ADGRB3: variants seen among roughly 807,000 people sequenced by gnomAD.
The protein encoded by ADGRB3 is adhesion G protein-coupled receptor B3.
In ADGRB3, 37 loss-of-function variants were observed where a neutral mutation model predicts 193.4. That is an observed-to-expected ratio of 0.19 (90% CI 0.15 to 0.25). The LOEUF is 0.25. ADGRB3 is among the 10% of genes least tolerant of loss of function. The pLI, the probability that ADGRB3 is intolerant of heterozygous loss-of-function variation, is 1.00. For missense variants in ADGRB3, 1,637 were observed against 1,852.9 expected (o/e 0.88, Z 2.14); for synonymous variants, 690 against 644.2 (o/e 1.07, Z -1.08).
chr6:68,844,417 G>A (rs1768233010), intron 3 of ADGRB3, among the ~76,000 whole-genome samples: 2 of 152,108 alleles, frequency 1.3e-5, no homozygotes, highest in South Asian at 4.1e-4. Flanking sequence ...CATTATGAGA[G>A]AAATGTGAAT....
intron 20 of ADGRB3, among the ~76,000 whole-genome samples, chr6:69,256,260 G>A (rs1441093122): frequency 3.8e-4 from 57 of 151,976 alleles, no homozygotes; most frequent in African/African-American, 1.3e-3. Flanking sequence ...GTAGCTTGAT[G>A]GGGATGGCAT....
At chr6:68,983,452 T>C (rs1224021147) in intron 10 of ADGRB3, among the ~76,000 whole-genome samples, 2 of 149,206 alleles carry the variant, frequency 1.3e-5, no homozygotes, top group East Asian at 3.9e-4. Context: ...TATAATTGTA[T>C]AGTATATAAC....
intron 3 of ADGRB3, among the ~76,000 whole-genome samples, chr6:68,890,089 G>A (rs556501641): frequency 1.6e-4 from 25 of 152,180 alleles, no homozygotes; most frequent in South Asian, 1.2e-3. Context: ...ATGATTACCC[G>A]ATGAAGGTAT....
intron 3 of ADGRB3, among the ~76,000 whole-genome samples, chr6:68,672,837 C>T (rs1010389485): frequency 8.5e-5 from 13 of 152,058 alleles, no homozygotes; most frequent in Non-Finnish European, 1.3e-4. Context: ...AGGCATCATC[C>T]AGTCAGTTGA....
intron 16 of ADGRB3, among the ~76,000 whole-genome samples, chr6:69,072,685 G>T (rs2150311453): frequency 6.6e-6 from 1 of 152,236 alleles, no homozygotes; most frequent in Non-Finnish European, 1.5e-5. Context: ...GTTATCTCAA[G>T]TTCCTCAGCT....
intron 13 of ADGRB3, among the ~76,000 whole-genome samples, chr6:69,038,202 C>A (rs1353820848): frequency 1.3e-5 from 2 of 152,054 alleles, no homozygotes; most frequent in Non-Finnish European, 2.9e-5. Flanking sequence ...TCTTGGGAAG[C>A]CCTTGTATTT....
intron 3 of ADGRB3, among the ~76,000 whole-genome samples, chr6:68,682,589 G>A (rs181166346): frequency 1.6e-4 from 25 of 152,144 alleles, no homozygotes; most frequent in East Asian, 1.2e-3. Flanking sequence ...ATAATTCTTC[G>A]TAAAATTTAT....
At chr6:68,783,307 T>A (rs12195581) in intron 3 of ADGRB3, among the ~76,000 whole-genome samples, 11,367 of 146,396 alleles carry the variant, frequency 0.078, 630 homozygotes, top group Middle Eastern at 0.27. Context: ...TATATATATA[T>A]AACATACATA....
intron 3 of ADGRB3, among the ~76,000 whole-genome samples, chr6:68,690,002 T>C (rs1765044250): frequency 6.6e-6 from 1 of 152,156 alleles, no homozygotes; most frequent in Non-Finnish European, 1.5e-5. Context: ...CTCTTTAGCC[T>C]TCTTAGCACA....
chr6:68,688,199 A>G (rs1765015735), intron 3 of ADGRB3, among the ~76,000 whole-genome samples: 1 of 152,112 alleles, frequency 6.6e-6, no homozygotes, highest in African/African-American at 2.4e-5. Flanking sequence ...TTCTGCAGAT[A>G]ATAAAATTGA....
At chr6:68,787,136 A>G (rs1320754179) in intron 3 of ADGRB3, among the ~76,000 whole-genome samples, 2 of 152,088 alleles carry the variant, frequency 1.3e-5, no homozygotes, top group African/African-American at 2.4e-5. Context: ...CTAATTGAAT[A>G]CCCTTTATTT....
At chr6:68,735,916 A>C (rs1345089238) in intron 3 of ADGRB3, among the ~76,000 whole-genome samples, 1 of 152,170 alleles carries the variant, frequency 6.6e-6, no homozygotes, top group Non-Finnish European at 1.5e-5. Flanking sequence ...GCTACAAAAT[A>C]TTTTATTACA....
At chr6:68,938,494 CTAAT>C (rs1209744005) in intron 5 of ADGRB3, among the ~76,000 whole-genome samples, 20 of 148,212 alleles carry the variant, frequency 1.3e-4, no homozygotes, top group African/African-American at 3.8e-4. Flanking sequence ...TTAAATCTAA[CTAAT>C]TAACAAATAT....
At chr6:68,932,403 G>A (rs1448696042) in intron 4 of ADGRB3, among the ~76,000 whole-genome samples, 3 of 151,920 alleles carry the variant, frequency 2.0e-5, no homozygotes, top group Non-Finnish European at 4.4e-5. Context: ...AACCCTTTTG[G>A]TAAATTCAAA....
chr6:69,106,453 C>A (rs17403632), intron 17 of ADGRB3, among the ~76,000 whole-genome samples: 3 of 151,956 alleles, frequency 2.0e-5, no homozygotes, highest in Non-Finnish European at 4.4e-5. Flanking sequence ...CGTATTAGTA[C>A]TAAAAATGTA....
chr6:69,085,047 T>C (rs149691428), intron 17 of ADGRB3, among the ~76,000 whole-genome samples: 165 of 152,206 alleles, frequency 1.1e-3, no homozygotes, highest in African/African-American at 3.9e-3. Flanking sequence ...TCATATACTT[T>C]GGGAAGAATT....
chr6:68,780,754 C>A (rs1414698724), intron 3 of ADGRB3, among the ~76,000 whole-genome samples: 1 of 151,962 alleles, frequency 6.6e-6, no homozygotes, highest in Non-Finnish European at 1.5e-5. Context: ...GTACAGAGTT[C>A]CCTTGTATTC....
chr6:68,890,684 C>T (rs2150228934), intron 3 of ADGRB3, among the ~76,000 whole-genome samples: 1 of 152,054 alleles, frequency 6.6e-6, no homozygotes, highest in East Asian at 1.9e-4. Context: ...TAGTTGTAAA[C>T]TCAAAAAACA....
At chr6:68,710,622 A>T (rs925742594) in intron 3 of ADGRB3, among the ~76,000 whole-genome samples, 1 of 152,140 alleles carries the variant, frequency 6.6e-6, no homozygotes, top group African/African-American at 2.4e-5. Context: ...ATGAACTGGA[A>T]TCAGTACCAA....
Sources: allele counts gnomAD v4.1 joint callset (sites outside exome capture counted in the v4.1 genomes callset), GRCh38; gene constraint gnomAD v4.1.1; transcripts MANE v1.5; gene names NCBI Gene and HGNC (gene_info 2026-07-23, HGNC 2026-07-21).